Variants in PARP12 observed in about 807,000 individuals in gnomAD.
PARP12 encodes protein mono-ADP-ribosyltransferase PARP12.
A neutral mutation model predicts 72.4 loss-of-function variants in PARP12; 59 were observed. The ratio of observed to expected loss-of-function variants is 0.81; its 90% CI spans 0.66 to 1.01. PARP12 has a LOEUF of 1.01. PARP12 is among the 50% of genes least tolerant of loss of function. The pLI, the probability that PARP12 is intolerant of heterozygous loss-of-function variation, is 0.00. For synonymous variants in PARP12, 403 were observed against 371.4 expected (o/e 1.09, Z -0.98); for missense variants, 851 against 914.0 (o/e 0.93, Z 0.89).
rs777602457 is a variant in PARP12, at chr7:140,026,272, T to C, written c.1705A>G (p.Ile569Val). The C allele has an allele frequency of 3.1e-6, 5 of 1,613,924 alleles. No homozygotes were observed. The highest frequency in any genetic ancestry group is 1.6e-4 in the Middle Eastern group (1 of 6,062). ...TGCTGGCAGATGGCGTCCACAAAAATGGCGCTGGTGCCGTGGAACAGCTGC... is the reference window on the plus strand; with the variant it reads ...TGCTGGCAGATGGCGTCCACAAAAACGGCGCTGGTGCCGTGGAACAGCTGC... Reference protein sequence around the residue: ...ERQLFHGTSAIFVDAICQQNF... With the variant: ...ERQLFHGTSAVFVDAICQQNF... The change falls in exon 11 of 12, where the codon ATT (isoleucine) becomes GTT (valine). Residue 569 changes from isoleucine to valine, a missense_variant. This residue lies in a region of PARP12 where 347 missense variants were observed against 396.1 expected (regional missense o/e 0.88). Transcript: ENST00000263549.
At chr7:140,035,953 CGAG>C (rs1168464370) in intron 7 of PARP12, among the ~76,000 whole-genome samples, 7 of 20,980 alleles carry the variant, frequency 3.3e-4, no homozygotes, top group Admixed American at 1.1e-3. Context: ...AGGAGGAGGA[CGAG>C]GAGGAGGAGG....
chr7:140,056,942 G>A lies in PARP12; in HGVS notation c.674C>T (p.Thr225Ile), dbSNP rs574932286. Reference protein sequence around the residue: ...MSSDLVSRLPTIYRNAHDIKN... With the variant: ...MSSDLVSRLPIIYRNAHDIKN... ...GATGTCATGTGCATTTCTATAAATG[G>A]TAGGCAGCCTGCTCACCAGGTCTGA... The change falls in exon 3 of 12, where the codon ACC becomes ATC. Residue 225 changes from threonine (T) to isoleucine (I), a missense_variant. Thr to Ile is a moderately conservative substitution (Grantham distance 89). Around this residue, in one of 3 missense-constraint regions of PARP12, gnomAD observed 492 missense variants for 489.3 expected, o/e 1.01. Transcript: ENST00000263549. 5.6e-6 allele frequency: 9 copies of A among 1,613,962 alleles called. No individual in the cohort carries two copies. The highest frequency in any genetic ancestry group is 7.6e-6 in the Non-Finnish European group (9 of 1,180,040).
In PARP12 at chr7:140,062,488, T is replaced by A. The variant is rs1464213610; in HGVS notation, c.326+34A>T. On this transcript the variant is annotated intron_variant, in intron 1 of 11. Transcript: ENST00000263549. ...GAAGTGCGTGAGGGCGCGCAGGACC[T>A]CCGCCCGCCGTCGCTCCCGGCGCGG... is the stretch of plus-strand genomic sequence containing the variant. 3 of 1,510,176 alleles carry A rather than the reference T, an allele frequency of 2.0e-6. No homozygotes were observed. The Admixed American group carries it at 6.2e-5, about 31-fold the overall frequency. The allele number at this position is 1,510,176 out of a possible 1,614,324, so 93.5% of individuals were successfully genotyped here. A position where few individuals can be genotyped will look rare whatever the true frequency, so the allele number is the denominator to read the frequency against.
chr7:140,028,682 G>A lies in PARP12; in HGVS notation c.1428C>T (p.Thr476=). 1 of 1,601,064 alleles carries A rather than the reference G, an allele frequency of 6.2e-7. No individual in the cohort carries two copies. Among genetic ancestry groups the A allele is most frequent in the South Asian group, 1.1e-5 (1 of 88,732 alleles). Residue 476 remains threonine, a synonymous_variant, in exon 9 of 12, where the codon ACC becomes ACT. Coordinates refer to ENST00000263549, the MANE Select transcript of PARP12 (RefSeq NM_022750.4). ...QDVTTMQTCN[T]KFPGPKSIPD... ...GGATGCTCTTCGGGCCTGGAAACTT[G>A]GTATTGCTACAAAAATGTAAACAAA... is the stretch of plus-strand genomic sequence containing the variant.
chr7:140,049,947 A>G (rs1816896151), intron 4 of PARP12, among the ~76,000 whole-genome samples: 1 of 152,098 alleles, frequency 6.6e-6, no homozygotes, highest in Admixed American at 6.5e-5. Context: ...CTAGGACGTG[A>G]GTCATAGAAA....
intron 5 of PARP12, 51 bp downstream of exon 5, chr7:140,046,833 T>TGTGTATCA: frequency 8.4e-7 from 1 of 1,188,026 alleles, no homozygotes; most frequent in Non-Finnish European, 1.2e-6. Context: ...TGTGTGTGTG[T>TGTGTATCA]CACACACAGA....
intron 4 of PARP12, among the ~76,000 whole-genome samples, chr7:140,054,373 T>C (rs1199183464): frequency 6.6e-6 from 1 of 152,214 alleles, no homozygotes; most frequent in Non-Finnish European, 1.5e-5. Flanking sequence ...TGCAGGTCTG[T>C]GACCTCATGC....
intron 5 of PARP12, among the ~76,000 whole-genome samples, chr7:140,042,520 G>A (rs778634000): frequency 2.6e-5 from 4 of 152,330 alleles, no homozygotes; most frequent in South Asian, 2.1e-4. Flanking sequence ...GATGAGTAAC[G>A]ACAGAGAGCC....
At chr7:140,033,121 G>A (rs1032804157) in intron 8 of PARP12, 59 of 921,194 alleles carry the variant, frequency 6.4e-5, no homozygotes, top group Non-Finnish European at 7.6e-5. Flanking sequence ...TCGAACTCCT[G>A]GGCTCAAGCA....
rs556626527 is a variant in PARP12 at position 140,033,840 on chromosome 7, A to G, written c.1421+395T>C. The G allele has an allele frequency of 5.5e-5, 54 of 988,142 alleles. 1 individual carries two copies. The highest frequency in any genetic ancestry group is 1.0e-3 in the Middle Eastern group (2 of 1,942). 61.2% of individuals were successfully genotyped at this position (988,142 alleles called of 1,614,324 possible). ...TTTTGGTATTCCGTGATATTCAAAT[A>G]CTAAAATACATGAGTTTTTATTGGT... On this transcript the variant is annotated intron_variant, in intron 8 of 11. Transcript: ENST00000263549.
intron 2 of PARP12, chr7:140,057,529 T>G (rs1817238163): frequency 2.8e-6 from 1 of 354,444 alleles, no homozygotes; most frequent in African/African-American, 2.1e-5. Flanking sequence ...AAGCCCCAGT[T>G]TTCTCTGAGC....
chr7:140,048,874 A>G (rs2116622907), intron 4 of PARP12, among the ~76,000 whole-genome samples: 1 of 152,342 alleles, frequency 6.6e-6, no homozygotes, highest in African/African-American at 2.4e-5. Context: ...AGGATATTCA[A>G]AGAATGGATA....
At chr7:140,025,500 G>T in intron 11 of PARP12, 1 of 434,494 alleles carries the variant, frequency 2.3e-6, no homozygotes, top group Non-Finnish European at 4.6e-6. Context: ...TCTCAACTTG[G>T]TAAGCATATT....
chr7:140,030,861 T>C (rs1422820713), intron 8 of PARP12, among the ~76,000 whole-genome samples: 1 of 152,218 alleles, frequency 6.6e-6, no homozygotes, highest in Admixed American at 6.5e-5. Context: ...CCAATTCTTT[T>C]TCCTCTAATG....
intron 4 of PARP12, among the ~76,000 whole-genome samples, chr7:140,050,136 T>TA (rs1344384867): frequency 6.6e-6 from 1 of 152,010 alleles, no homozygotes; most frequent in Non-Finnish European, 1.5e-5. Flanking sequence ...GAGAATCAAA[T>TA]AGATATAAAA....
At chr7:140,025,381 C>T in intron 11 of PARP12, 1 of 304,202 alleles carries the variant, frequency 3.3e-6, no homozygotes, top group Non-Finnish European at 6.6e-6. Flanking sequence ...ATCCACAAGT[C>T]TACCACTGGC....
chr7:140,033,535 A>G (rs576889166), intron 8 of PARP12: 5 of 985,354 alleles, frequency 5.1e-6, no homozygotes, highest in African/African-American at 1.7e-5. Flanking sequence ...CCTTCCCCCA[A>G]TATGTGGCTG....
chr7:140,036,649 GA>G lies in PARP12; in HGVS notation c.1324+1065del, dbSNP rs371510845. 6.5e-3 allele frequency among the ~76,000 whole-genome samples: 995 copies of G among 152,132 alleles called. 5 individuals carry two copies. Among genetic ancestry groups the G allele is most frequent in the African/African-American group, 0.023 (946 of 41,486 alleles). On this transcript the variant is annotated intron_variant, in intron 7 of 11. Coordinates refer to ENST00000263549, the MANE Select transcript of PARP12 (RefSeq NM_022750.4). ...TAGAATAAACGTCTGCAAAAATAAA[GA>G]AAACCATAAACTGTGTTTAAAGGAA...
In PARP12 at chr7:140,037,715, C is replaced by T. The variant is rs866931618; in HGVS notation, c.1324G>A (p.Ala442Thr). 3.1e-6 allele frequency: 5 copies of T among 1,614,046 alleles called. No homozygotes were observed. Among genetic ancestry groups the T allele is most frequent in the Non-Finnish European group, 4.2e-6 (5 of 1,179,944 alleles). ...GKHNYELDFK[A>T]FVQKNLVYGT... is the part of the protein sequence containing the mutation. Reference sequence around the variant, plus strand: ...TGGGCGAGGGCAGGGCACAGGATACCTTTGAAATCTAACTCGTAGTTGTGC... The same window carrying T: ...TGGGCGAGGGCAGGGCACAGGATACTTTTGAAATCTAACTCGTAGTTGTGC... Residue 442 changes from alanine (A) to threonine (T), a missense_variant and splice_region_variant, in exon 7 of 12, where the codon GCC (alanine) becomes ACC (threonine). By Grantham distance (58) the Ala-to-Thr change is moderately conservative. Transcript: ENST00000263549.
Sources: allele counts gnomAD v4.1 joint callset (sites outside exome capture counted in the v4.1 genomes callset), GRCh38; gene constraint gnomAD v4.1.1; regional missense constraint gnomAD v4.1.1; transcripts MANE v1.5; gene names NCBI Gene and HGNC (gene_info 2026-07-23, HGNC 2026-07-21).